ANTXR1: variants seen among roughly 807,000 people sequenced by gnomAD.
The protein encoded by ANTXR1 is ANTXR cell adhesion molecule 1.
Under a neutral mutation model 78.1 loss-of-function variants are expected in ANTXR1, and 19 were observed. The ratio of observed to expected loss-of-function variants is 0.24; its 90% confidence interval spans 0.17 to 0.36. The LOEUF (loss-of-function observed/expected upper bound fraction) is 0.36. Ranked by LOEUF, ANTXR1 falls within the 10% of genes least tolerant of loss-of-function variation. The probability of loss-of-function intolerance (pLI) is 1.00; values close to 1 mark genes in which losing one functional copy is unlikely to be tolerated. For synonymous variants in ANTXR1, 273 were observed against 260.5 expected (o/e 1.05, Z -0.46); for missense variants, 518 against 718.6 (o/e 0.72, Z 3.19).
intron 12 of ANTXR1, chr2:69,145,754 A>C: frequency 5.9e-6 from 6 of 1,024,894 alleles, no homozygotes; most frequent in Non-Finnish European, 7.0e-6. Context: ...CTTTCCCACA[A>C]AAGAAAACAG....
intron 12 of ANTXR1, among the ~76,000 whole-genome samples, chr2:69,139,391 A>G (rs969458678): frequency 6.6e-6 from 1 of 152,226 alleles, no homozygotes; most frequent in Non-Finnish European, 1.5e-5. Context: ...GCAAGCCCTG[A>G]GAATCAGTCC....
At chr2:69,212,053 C>T (rs963092439) in intron 17 of ANTXR1, among the ~76,000 whole-genome samples, 8 of 152,236 alleles carry the variant, frequency 5.3e-5, no homozygotes, top group African/African-American at 1.9e-4. Flanking sequence ...CTCAGACCAT[C>T]TTAATATTGC....
At chr2:69,095,592 G>A (rs1671373998) in intron 9 of ANTXR1, among the ~76,000 whole-genome samples, 1 of 152,316 alleles carries the variant, frequency 6.6e-6, no homozygotes, top group South Asian at 2.1e-4. Context: ...GGCTTATTAT[G>A]TATAGCTCCA....
Position 69,167,963 on chromosome 2 carries a change from C to T in ANTXR1, c.1048-2285C>T, listed in dbSNP as rs138591183. Among the ~76,000 whole-genome samples the T allele has an allele frequency of 3.6e-3, 551 of 152,246 alleles. 2 individuals are homozygous for T. Among genetic ancestry groups the T allele is most frequent in the African/African-American group, 0.013 (524 of 41,532 alleles). ...TTAATACATTAAATTAAATAGCAAC[C>T]GCATTGATGGGTTGGTCTGAGTGTT... is the stretch of plus-strand genomic sequence containing the variant. On this transcript the variant is annotated intron_variant, in intron 13 of 17. Transcript: ENST00000303714.
intron 9 of ANTXR1, among the ~76,000 whole-genome samples, chr2:69,091,377 G>T (rs1049360080): frequency 2.0e-4 from 29 of 148,288 alleles, no homozygotes; most frequent in African/African-American, 7.3e-4. Flanking sequence ...GGAGGCAGAG[G>T]TTGGGTTGCA....
chr2:69,026,371 A>G (rs1164962767), intron 1 of ANTXR1, among the ~76,000 whole-genome samples: 2 of 152,208 alleles, frequency 1.3e-5, no homozygotes, highest in Non-Finnish European at 2.9e-5. Flanking sequence ...AAAGGGAGAT[A>G]ATAATAGTAT....
chr2:69,106,882 C>A (rs929575761), intron 10 of ANTXR1, among the ~76,000 whole-genome samples: 1 of 152,022 alleles, frequency 6.6e-6, no homozygotes, highest in African/African-American at 2.4e-5. Flanking sequence ...GATCAGAGAG[C>A]CAATCTGAAA....
intron 17 of ANTXR1, among the ~76,000 whole-genome samples, chr2:69,213,134 C>T (rs1483794394): frequency 1.3e-5 from 2 of 152,006 alleles, no homozygotes; most frequent in South Asian, 2.1e-4. Context: ...AAATTAATAA[C>T]ATACAAAGTG....
chr2:69,168,034 C>G (rs1673875096), intron 13 of ANTXR1, among the ~76,000 whole-genome samples: 1 of 152,320 alleles, frequency 6.6e-6, no homozygotes, highest in Admixed American at 6.5e-5. Flanking sequence ...TATGCTGACA[C>G]ACATGTGGCC....
intron 3 of ANTXR1, among the ~76,000 whole-genome samples, chr2:69,068,222 A>C (rs1467041595): frequency 6.6e-6 from 1 of 152,224 alleles, no homozygotes; most frequent in Non-Finnish European, 1.5e-5. Flanking sequence ...ATGGGGACCA[A>C]AACAGCCATG....
chr2:69,214,202 G>T (rs913896065), intron 17 of ANTXR1, among the ~76,000 whole-genome samples: 4 of 152,246 alleles, frequency 2.6e-5, no homozygotes, highest in Admixed American at 1.3e-4. Flanking sequence ...GGAATCCCCA[G>T]GTTAAGGAAA....
At position 69,113,907 on chromosome 2, in the gene ANTXR1, C is replaced by T. The variant is rs528773647; in HGVS notation, c.803-9110C>T. On this transcript the variant is annotated intron_variant, in intron 10 of 17. Transcript: ENST00000303714. ...CTCAGGATTACAAAATCTTAAAAAGCTGATGCTTTACTTAGAAGATAATTT... is the reference window on the plus strand; with the variant it reads ...CTCAGGATTACAAAATCTTAAAAAGTTGATGCTTTACTTAGAAGATAATTT... Among the ~76,000 whole-genome samples the T allele has an allele frequency of 4.6e-5, 7 of 152,304 alleles. No homozygotes were observed. In the South Asian group the frequency reaches 1.5e-3, roughly 32 times the overall value.
intron 14 of ANTXR1, among the ~76,000 whole-genome samples, chr2:69,179,372 C>T (rs909402239): frequency 6.6e-6 from 1 of 151,870 alleles, no homozygotes; most frequent in Non-Finnish European, 1.5e-5. Flanking sequence ...TATGGCAAAA[C>T]CCCATCTTTA....
chr2:69,228,209 G>A (rs1675510158), intron 17 of ANTXR1, among the ~76,000 whole-genome samples: 1 of 152,178 alleles, frequency 6.6e-6, no homozygotes, highest in South Asian at 2.1e-4. Context: ...TTGGAAAAAG[G>A]GATAGGGATA....
intron 4 of ANTXR1, 27 bp downstream of exon 4, chr2:69,070,755 A>C: frequency 6.2e-7 from 1 of 1,601,024 alleles, no homozygotes; most frequent in Non-Finnish European, 8.6e-7. Flanking sequence ...TTGAAATCCA[A>C]ATATAAAGCA....
At position 69,071,797 on chromosome 2, in the gene ANTXR1, T is replaced by C. The variant is rs1558515071; in HGVS notation, c.412+10T>C. 1.9e-6 allele frequency: 3 copies of C among 1,612,354 alleles called. No homozygotes were observed. Among genetic ancestry groups the C allele is most frequent in the East Asian group, 2.2e-5 (1 of 44,826 alleles). On this transcript the variant is annotated intron_variant, in intron 5 of 17. Coordinates refer to ENST00000303714, the MANE Select transcript of ANTXR1 (RefSeq NM_032208.3). ...TATGAAAACAGACAAGGTAAGACTA[T>C]AGTATGAACTACCATTATGAATTAT...
intron 1 of ANTXR1, among the ~76,000 whole-genome samples, chr2:69,024,517 A>G (rs1328989538): frequency 1.3e-5 from 2 of 152,226 alleles, no homozygotes; most frequent in Admixed American, 1.3e-4. Context: ...CAGAACAGTC[A>G]GAGAACCAGC....
intron 17 of ANTXR1, among the ~76,000 whole-genome samples, chr2:69,234,814 A>C (rs528928609): frequency 1.1e-4 from 16 of 152,172 alleles, no homozygotes; most frequent in African/African-American, 3.4e-4. Context: ...TAATCTCATG[A>C]GCTAGGATCA....
At chr2:69,203,754 CCATCATCAT>C (rs753212809) in intron 17 of ANTXR1, among the ~76,000 whole-genome samples, 1 of 151,490 alleles carries the variant, frequency 6.6e-6, no homozygotes, top group South Asian at 2.1e-4. Context: ...CTTATTATCA[CCATCATCAT>C]CATCATCATC....
Sources: allele counts gnomAD v4.1 joint callset (sites outside exome capture counted in the v4.1 genomes callset), GRCh38; gene constraint gnomAD v4.1.1; transcripts MANE v1.5; gene names NCBI Gene and HGNC (gene_info 2026-07-23, HGNC 2026-07-21).